Variants in CYB5R3 observed in about 807,000 individuals in gnomAD.
The protein encoded by CYB5R3 is NADH-cytochrome b5 reductase 3.
CYB5R3 carries 28 observed loss-of-function variants against 36.5 expected under a neutral mutation model. The ratio of observed to expected loss-of-function variants is 0.77; its 90% CI spans 0.57 to 1.05. The LOEUF is 1.05. Among genes scored for constraint, CYB5R3 ranks in the 50% least tolerant of loss-of-function variants. The pLI, the probability that CYB5R3 is intolerant of heterozygous loss-of-function variation, is 0.00. For synonymous variants in CYB5R3, 181 were observed against 159.8 expected (o/e 1.13, Z -1.00); for missense variants, 474 against 408.9 (o/e 1.16, Z -1.37).
At position 42,622,212 on chromosome 22, in the gene CYB5R3, G is replaced by A. The variant is rs141872667; in HGVS notation, c.733+1577C>T. ...TGGGATTACAGACGTGAGCCACCGC[G>A]CCCGGCCTGCTCCTTTCGTTAGTAG... On this transcript the variant is annotated intron_variant, in intron 8 of 8. Coordinates refer to ENST00000352397, the MANE Select transcript of CYB5R3 (RefSeq NM_000398.7). Among the ~76,000 whole-genome samples, 52 of 152,236 alleles carry A rather than the reference G, an allele frequency of 3.4e-4. No homozygotes were observed. In the East Asian group the frequency reaches 9.5e-3, roughly 28 times the overall value.
chr22:42,627,446 C>G (rs566643227), intron 6 of CYB5R3, 57 bp from the exon 7 acceptor site: 1 of 1,569,726 alleles, frequency 6.4e-7, no homozygotes, highest in Admixed American at 1.7e-5. Flanking sequence ...TCACAGGCAC[C>G]GCCCCGCCCA....
At chr22:42,647,007 A>G (rs563702823) in intron 1 of CYB5R3, 13 of 979,726 alleles carry the variant, frequency 1.3e-5, no homozygotes, top group Admixed American at 6.1e-5. Flanking sequence ...TCCAGGGCCA[A>G]CCCCTGGCCT....
chr22:42,631,093 G>T (rs8190432), intron 3 of CYB5R3, 105 bp from the exon 4 acceptor site: 21 of 1,099,326 alleles, frequency 1.9e-5, no homozygotes, highest in Admixed American at 7.9e-5. Flanking sequence ...TCAAAGCCTG[G>T]CCTGGCGTCA....
At chr22:42,638,589 T>A (rs1929036080) in intron 1 of CYB5R3, among the ~76,000 whole-genome samples, 1 of 142,466 alleles carries the variant, frequency 7.0e-6, no homozygotes, top group Admixed American at 7.1e-5. Context: ...AAAACCTGAA[T>A]CCCTGGGCGG....
At chr22:42,628,977 G>C (rs1397476175) in intron 4 of CYB5R3, among the ~76,000 whole-genome samples, 1 of 152,112 alleles carries the variant, frequency 6.6e-6, no homozygotes, top group East Asian at 1.9e-4. Flanking sequence ...GCCACGGACA[G>C]GCAGGCAGAG....
intron 8 of CYB5R3, among the ~76,000 whole-genome samples, chr22:42,623,265 C>T (rs982864527): frequency 6.6e-6 from 1 of 152,240 alleles, no homozygotes; most frequent in East Asian, 1.9e-4. Flanking sequence ...GGCCCTCACT[C>T]GCTGCCTCCA....
chr22:42,643,916 C>T (rs573258340), intron 1 of CYB5R3, among the ~76,000 whole-genome samples: 1 of 152,190 alleles, frequency 6.6e-6, no homozygotes, highest in African/African-American at 2.4e-5. Flanking sequence ...TGAGTAGGGG[C>T]CGCGGGTTTC....
chr22:42,648,408 C>T (rs1929624603), intron 1 of CYB5R3, among the ~76,000 whole-genome samples: 1 of 152,204 alleles, frequency 6.6e-6, no homozygotes, highest in East Asian at 1.9e-4. Context: ...CACACAGACT[C>T]AAGCCTCCAG....
chr22:42,620,210 CG>C (rs1281195675), intron 8 of CYB5R3, among the ~76,000 whole-genome samples: 1 of 152,154 alleles, frequency 6.6e-6, no homozygotes, highest in Non-Finnish European at 1.5e-5. Flanking sequence ...ATTTGGCCTC[CG>C]GGGTGTCCCT....
chr22:42,617,909 T>C lies in CYB5R3; in HGVS notation c.*1864A>G, dbSNP rs1927710454. On this transcript the variant is annotated 3_prime_UTR_variant, in exon 9 of 9. Transcript: ENST00000352397. ...GCCTTTGCGTCTGCTGTTTCCACCA[T>C]TTGAACACCCACCCACCCCAGCATG... The C allele has an allele frequency of 6.6e-6, 1 of 152,288 alleles. No homozygotes were observed. The highest frequency in any genetic ancestry group is 1.5e-5 in the Non-Finnish European group (1 of 68,108). The allele number at this position is 152,288 out of a possible 1,614,324, so 9.4% of individuals were successfully genotyped here.
intron 7 of CYB5R3, among the ~76,000 whole-genome samples, chr22:42,625,477 C>T (rs1431567990): frequency 6.6e-6 from 1 of 152,166 alleles, no homozygotes; most frequent in African/African-American, 2.4e-5. Flanking sequence ...CCATTGCACT[C>T]CAGCCTGGGC....
At chr22:42,627,721 C>G (rs376183233) in intron 5 of CYB5R3, 33 bp from the exon 6 acceptor site, 8 of 1,503,656 alleles carry the variant, frequency 5.3e-6, no homozygotes, top group Admixed American at 1.7e-5. Context: ...GCCCGGCCAT[C>G]AAACATGCCA....
chr22:42,648,852 A>C (rs12167020), intron 1 of CYB5R3, among the ~76,000 whole-genome samples: 1 of 151,606 alleles, frequency 6.6e-6, no homozygotes, highest in Non-Finnish European at 1.5e-5. Context: ...ACACACACAC[A>C]CCCCATCACA....
intron 1 of CYB5R3, chr22:42,646,539 C>T: frequency 1.8e-6 from 1 of 546,788 alleles, no homozygotes; most frequent in Non-Finnish European, 2.3e-6. Context: ...TAGGGGTGGG[C>T]AGAGAGAGCT....
chr22:42,618,516 G>C lies in CYB5R3; in HGVS notation c.*1257C>G, dbSNP rs1279609899. The C allele has an allele frequency of 1.6e-5, 2 of 122,758 alleles. No individual in the cohort carries two copies. Among genetic ancestry groups the C allele is most frequent in the Non-Finnish European group, 3.2e-5 (2 of 63,376 alleles). The allele number at this position is 122,758 out of a possible 1,614,324, so 7.6% of individuals were successfully genotyped here. The stretch of plus-strand genomic sequence containing the variant: ...CCCGCCACTGCACTCCAGCCTGGGC[G>C]ACAGAGCGAGACTCCGTCTCAAAAA... On this transcript the variant is annotated 3_prime_UTR_variant, in exon 9 of 9. Coordinates refer to ENST00000352397, the MANE Select transcript of CYB5R3 (RefSeq NM_000398.7).
intron 3 of CYB5R3, 56 bp from the exon 4 acceptor site, chr22:42,631,044 G>C: frequency 6.6e-7 from 1 of 1,505,592 alleles, no homozygotes; most frequent in Non-Finnish European, 9.2e-7. Flanking sequence ...GGTGACCCCT[G>C]GGTCTTGTCA....
chr22:42,640,853 T>C (rs1350852857), intron 1 of CYB5R3, among the ~76,000 whole-genome samples: 1 of 152,148 alleles, frequency 6.6e-6, no homozygotes, highest in Non-Finnish European at 1.5e-5. Context: ...CCTTATGATT[T>C]TTTTTTCTCT....
At chr22:42,640,321 C>T in intron 1 of CYB5R3, 1 of 1,486,500 alleles carries the variant, frequency 6.7e-7, no homozygotes. Flanking sequence ...AGCTGAAGGT[C>T]ACCCCCCGGA....
chr22:42,631,324 AGT>A (rs1458621779), intron 3 of CYB5R3, 52 bp downstream of exon 3: 1 of 1,485,290 alleles, frequency 6.7e-7, no homozygotes, highest in Non-Finnish European at 9.2e-7. Context: ...TCTCTGATCT[AGT>A]GCCCCAGCAG....
Sources: allele counts gnomAD v4.1 joint callset (sites outside exome capture counted in the v4.1 genomes callset), GRCh38; gene constraint gnomAD v4.1.1; transcripts MANE v1.5; gene names NCBI Gene and HGNC (gene_info 2026-07-23, HGNC 2026-07-21).